Variants in LAMA2 observed in about 807,000 individuals in gnomAD.
LAMA2 encodes the protein laminin subunit alpha-2.
Under a neutral mutation model 364.8 loss-of-function variants are expected in LAMA2, and 269 were observed. That is an observed-to-expected ratio of 0.74 (90% CI 0.67 to 0.82). The LOEUF (loss-of-function observed/expected upper bound fraction) is 0.82. Ranked by LOEUF, LAMA2 falls within the 40% of genes least tolerant of loss-of-function variation. LAMA2 has a pLI of 0.00. For synonymous variants in LAMA2, 1,379 were observed against 1,370.6 expected (o/e 1.01, Z -0.14); for missense variants, 3,807 against 3,873.2 (o/e 0.98, Z 0.45).
intron 3 of LAMA2, among the ~76,000 whole-genome samples, chr6:129,069,829 A>G (rs953414488): frequency 1.6e-5 from 2 of 128,190 alleles, no homozygotes; most frequent in Non-Finnish European, 3.5e-5. Context: ...ATATTGTATA[A>G]TATATAATTA....
intron 54 of LAMA2, among the ~76,000 whole-genome samples, chr6:129,480,744 G>A (rs1397975631): frequency 1.3e-5 from 2 of 152,104 alleles, no homozygotes; most frequent in Non-Finnish European, 2.9e-5. Flanking sequence ...TAGACTATGC[G>A]ATGTTTGTTT....
intron 1 of LAMA2, among the ~76,000 whole-genome samples, chr6:128,990,575 T>C (rs1783550344): frequency 6.6e-6 from 1 of 152,174 alleles, no homozygotes; most frequent in Non-Finnish European, 1.5e-5. Flanking sequence ...TGGGAAGAAG[T>C]GGACTTTGTA....
chr6:129,276,207 C>T (rs543832089), intron 17 of LAMA2, among the ~76,000 whole-genome samples: 2 of 152,216 alleles, frequency 1.3e-5, no homozygotes, highest in African/African-American at 4.8e-5. Flanking sequence ...ATTGTGTAGC[C>T]ACTCAAAATG....
intron 1 of LAMA2, among the ~76,000 whole-genome samples, chr6:128,955,862 T>G (rs1168303608): frequency 6.6e-6 from 1 of 152,112 alleles, no homozygotes; most frequent in Non-Finnish European, 1.5e-5. Flanking sequence ...AGATGATAGC[T>G]ACACATTAAA....
intron 31 of LAMA2, 149 bp from the exon 32 acceptor site, chr6:129,353,015 G>C (rs1489243427): frequency 3.4e-6 from 2 of 584,770 alleles, no homozygotes; most frequent in East Asian, 5.6e-5. Flanking sequence ...AAAGCCTACT[G>C]TTTACTATCT....
intron 1 of LAMA2, among the ~76,000 whole-genome samples, chr6:128,924,857 C>T (rs1778987419): frequency 1.3e-5 from 2 of 152,178 alleles, no homozygotes; most frequent in South Asian, 4.1e-4. Context: ...ATAACATCAA[C>T]AAGCCTTTTA....
In LAMA2 at chr6:128,901,488, C is replaced by A. The variant is rs1582631980; in HGVS notation, c.112+18131C>A. Reference sequence around the variant, plus strand: ...AGGTATATACTACCTTATATACTACCATACTTAAAAGGTTAGTGAAGAGGC... The same window carrying A: ...AGGTATATACTACCTTATATACTACAATACTTAAAAGGTTAGTGAAGAGGC... On this transcript the variant is annotated intron_variant, in intron 1 of 64. Coordinates refer to ENST00000421865, the MANE Select transcript of LAMA2 (RefSeq NM_000426.4). Among the ~76,000 whole-genome samples, 4 of 152,200 alleles carry A rather than the reference C, an allele frequency of 2.6e-5. No homozygotes were observed. In the South Asian group the frequency reaches 8.3e-4, roughly 32 times the overall value.
intron 1 of LAMA2, among the ~76,000 whole-genome samples, chr6:128,927,444 A>G (rs1279984314): frequency 6.6e-6 from 1 of 152,154 alleles, no homozygotes; most frequent in African/African-American, 2.4e-5. Context: ...TATTACTTCT[A>G]TGTTAGTGAC....
chr6:129,263,589 G>A (rs888685336), intron 15 of LAMA2, among the ~76,000 whole-genome samples: 2 of 152,074 alleles, frequency 1.3e-5, no homozygotes, highest in African/African-American at 4.8e-5. Flanking sequence ...GGGGAAAAGT[G>A]GGACAAGAAG....
chr6:129,477,559 G>A (rs1784129578), intron 53 of LAMA2, among the ~76,000 whole-genome samples: 1 of 152,110 alleles, frequency 6.6e-6, no homozygotes, highest in African/African-American at 2.4e-5. Flanking sequence ...GGACTCAAGG[G>A]CAAGGACTTC....
intron 41 of LAMA2, among the ~76,000 whole-genome samples, chr6:129,436,313 A>G (rs1781830994): frequency 6.6e-6 from 1 of 152,236 alleles, no homozygotes; most frequent in African/African-American, 2.4e-5. Flanking sequence ...ACCATGCCAA[A>G]TGCTTGTATA....
At chr6:128,899,731 A>G (rs2114411539) in intron 1 of LAMA2, among the ~76,000 whole-genome samples, 1 of 152,328 alleles carries the variant, frequency 6.6e-6, no homozygotes, top group East Asian at 1.9e-4. Flanking sequence ...AATAGATAAA[A>G]TATTTTAGAA....
At chr6:128,926,738 T>G (rs1403932660) in intron 1 of LAMA2, among the ~76,000 whole-genome samples, 1 of 152,214 alleles carries the variant, frequency 6.6e-6, no homozygotes. Context: ...ACCTTTCTCC[T>G]CAGCCCTTTT....
rs766582670 is a variant in LAMA2 at position 129,366,385 on chromosome 6, A to G, written c.4860+24A>G. The G allele has an allele frequency of 3.7e-6, 6 of 1,612,538 alleles. No homozygotes were observed. The Admixed American group carries it at 5.0e-5, about 13-fold the overall frequency. On this transcript the variant is annotated intron_variant, in intron 33 of 64. Transcript: ENST00000421865. Reference sequence around the variant, plus strand: ...AGGTAGGTTGGTGCAGTCACAAGCAAGGGCCAGGGACAAGGTGACAGAAGC... The same window carrying G: ...AGGTAGGTTGGTGCAGTCACAAGCAGGGGCCAGGGACAAGGTGACAGAAGC...
chr6:129,338,584 C>T (rs761308611), intron 29 of LAMA2, among the ~76,000 whole-genome samples: 8 of 152,154 alleles, frequency 5.3e-5, no homozygotes, highest in Non-Finnish European at 1.2e-4. Context: ...TGCAATGACA[C>T]TTGAAATTTG....
chr6:129,375,311 A>T (rs1778309654), intron 34 of LAMA2, among the ~76,000 whole-genome samples: 1 of 152,140 alleles, frequency 6.6e-6, no homozygotes, highest in Non-Finnish European at 1.5e-5. Flanking sequence ...TGAAATATTA[A>T]GATGCTTTTT....
chr6:129,295,010 A>C (rs1424686765), intron 20 of LAMA2, among the ~76,000 whole-genome samples: 1 of 152,220 alleles, frequency 6.6e-6, no homozygotes, highest in African/African-American at 2.4e-5. Context: ...ATCTTACAGT[A>C]CTATTGTATG....
intron 11 of LAMA2, among the ~76,000 whole-genome samples, chr6:129,191,822 C>T (rs1262463569): frequency 6.6e-6 from 1 of 152,208 alleles, no homozygotes; most frequent in East Asian, 1.9e-4. Context: ...TGAAGCAGCT[C>T]ATGCATGTCT....
intron 62 of LAMA2, among the ~76,000 whole-genome samples, chr6:129,511,867 C>A (rs1246065716): frequency 6.6e-6 from 1 of 152,120 alleles, no homozygotes; most frequent in Non-Finnish European, 1.5e-5. Flanking sequence ...AAATGTGTGG[C>A]AACTTTTGAA....
Sources: gnomAD v4.1 joint callset for allele counts (sites outside exome capture counted in the v4.1 genomes callset) on GRCh38, gnomAD v4.1.1 for gene constraint, MANE v1.5 for transcripts, NCBI Gene and HGNC (gene_info 2026-07-23, HGNC 2026-07-21) for gene names.